The following PLXDC1 variants were observed in gnomAD, a reference collection of about 807,000 sequenced individuals.
PLXDC1 encodes plexin domain containing 1.
PLXDC1 carries 39 observed loss-of-function variants against 61.3 expected under a neutral mutation model. The ratio of observed to expected loss-of-function variants is 0.64; its 90% CI spans 0.49 to 0.83. The LOEUF is 0.83. Among genes scored for constraint, PLXDC1 ranks in the 40% least tolerant of loss-of-function variants. The probability of loss-of-function intolerance (pLI) is 0.00; values close to 1 mark genes in which losing one functional copy is unlikely to be tolerated. For missense variants in PLXDC1, 596 were observed against 666.5 expected (o/e 0.89, Z 1.17); for synonymous variants, 212 against 254.5 (o/e 0.83, Z 1.59).
At chr17:39,136,214 G>C (rs1345626325) in intron 2 of PLXDC1, among the ~76,000 whole-genome samples, 1 of 152,150 alleles carries the variant, frequency 6.6e-6, no homozygotes, top group Non-Finnish European at 1.5e-5. Flanking sequence ...ATTGGGAAGG[G>C]AGTGATGCCA....
In PLXDC1 at chr17:39,079,294, C is replaced by G. The variant is rs1231314471; in HGVS notation, c.990-130G>C. 1.2e-5 allele frequency: 9 copies of G among 736,176 alleles called. No homozygotes were observed. In the Admixed American group the frequency reaches 1.8e-4, roughly 15 times the overall value. The allele number at this position is 736,176 out of a possible 1,614,324, so 45.6% of individuals were successfully genotyped here. ...AGGTCCCCAGGCTGAGGTAGTCAGGCACTCCCATTCCCTCTACTTCCCCGG... is the reference window on the plus strand; with the variant it reads ...AGGTCCCCAGGCTGAGGTAGTCAGGGACTCCCATTCCCTCTACTTCCCCGG... On this transcript the variant is annotated intron_variant, in intron 9 of 13. Coordinates refer to ENST00000315392, the MANE Select transcript of PLXDC1 (RefSeq NM_020405.5).
At chr17:39,077,620 C>T (rs1389024464) in intron 11 of PLXDC1, among the ~76,000 whole-genome samples, 1 of 152,220 alleles carries the variant, frequency 6.6e-6, no homozygotes, top group Non-Finnish European at 1.5e-5. Flanking sequence ...ATACCTGGCA[C>T]TGGCCTGGGC....
At position 39,067,979 on chromosome 17, in the gene PLXDC1, A is replaced by C; in HGVS notation, c.1384-20T>G. ...TCTACGCTGCAGAAGGCACAGAGGC[A>C]AAGTCAGTGGGCATGCCCCCGCCCC... is the stretch of plus-strand genomic sequence containing the variant. On this transcript the variant is annotated intron_variant, in intron 13 of 13. Coordinates refer to ENST00000315392, the MANE Select transcript of PLXDC1 (RefSeq NM_020405.5). 6.2e-7 allele frequency: 1 copy of C among 1,612,368 alleles called. No individual in the cohort carries two copies. Among genetic ancestry groups the C allele is most frequent in the Non-Finnish European group, 8.5e-7 (1 of 1,179,224 alleles).
chr17:39,145,994 C>T (rs754681656), intron 1 of PLXDC1, among the ~76,000 whole-genome samples: 9 of 151,462 alleles, frequency 5.9e-5, no homozygotes, highest in Non-Finnish European at 1.3e-4. Context: ...TCAGGGTTAA[C>T]AAGAATTACA....
At chr17:39,094,790 A>C (rs1348032298) in intron 7 of PLXDC1, among the ~76,000 whole-genome samples, 3 of 152,142 alleles carry the variant, frequency 2.0e-5, no homozygotes, top group Admixed American at 2.0e-4. Flanking sequence ...CTCCCTCCCC[A>C]GCCCACCACA....
Position 39,077,940 on chromosome 17 carries a change from G to A in PLXDC1, c.1159C>T (p.Leu387Phe). The A allele has an allele frequency of 6.2e-7, 1 of 1,614,138 alleles. No individual in the cohort carries two copies. The highest frequency in any genetic ancestry group is 1.1e-5 in the South Asian group (1 of 91,082). Reference protein sequence around the residue: ...DGDLTTTSSSLFIDSLTTEDD... With the variant: ...DGDLTTTSSSFFIDSLTTEDD... ...TCTGTGGTGAGGCTGTCGATGAAGA[G>A]GGAGGAGGAGGTAGTGGTGAGGTCT... Residue 387 changes from leucine to phenylalanine, a missense_variant, in exon 11 of 14, where the codon CTC becomes TTC. Coordinates refer to ENST00000315392, the MANE Select transcript of PLXDC1 (RefSeq NM_020405.5).
chr17:39,119,894 T>TG (rs1382811912), intron 2 of PLXDC1, among the ~76,000 whole-genome samples: 3 of 152,098 alleles, frequency 2.0e-5, no homozygotes, highest in African/African-American at 7.2e-5. Flanking sequence ...ACCAACTGAA[T>TG]GGACCCCCTC....
At chr17:39,106,094 C>T in intron 6 of PLXDC1, 141 bp from the exon 7 acceptor site, 1 of 568,968 alleles carries the variant, frequency 1.8e-6, no homozygotes, top group Non-Finnish European at 3.1e-6. Context: ...CAGTGGGACC[C>T]CACCCAAATT....
rs1339570951 is a variant in PLXDC1, at chr17:39,103,387, T to G, written c.811+2467A>C. ...CCTGTCCATCTCTCCAAAAAAAAAT[T>G]TAAAAATTAGTTGGGCATGGTGGCA... On this transcript the variant is annotated intron_variant, in intron 7 of 13. Transcript: ENST00000315392. Among the ~76,000 whole-genome samples the G allele has an allele frequency of 8.6e-5, 13 of 151,184 alleles. No homozygotes were observed. The East Asian group carries it at 2.6e-3, about 30-fold the overall frequency.
At chr17:39,143,858 G>A (rs1444461802) in intron 1 of PLXDC1, among the ~76,000 whole-genome samples, 1 of 152,238 alleles carries the variant, frequency 6.6e-6, no homozygotes, top group Non-Finnish European at 1.5e-5. Flanking sequence ...CCTGCCCACT[G>A]CCCAGGCCCA....
At chr17:39,090,887 GTCTC>G (rs66505513) in intron 7 of PLXDC1, among the ~76,000 whole-genome samples, 5,951 of 148,938 alleles carry the variant, frequency 0.04, 167 homozygotes, top group Middle Eastern at 0.062. Context: ...TTCTCCCTCT[GTCTC>G]TCTCTCTCTA....
Position 39,107,515 on chromosome 17 carries a change from A to G in PLXDC1, c.603T>C (p.Phe201=), listed in dbSNP as rs1273608808. 6 of 1,611,432 alleles carry G rather than the reference A, an allele frequency of 3.7e-6. No homozygotes were observed. The African/African-American group carries it at 8.0e-5, about 22-fold the overall frequency. The change falls in exon 6 of 14, where the codon TTT becomes TTC. Residue 201 remains phenylalanine, a synonymous_variant. Transcript: ENST00000315392. Reference sequence around the variant, plus strand: ...GATAAACGTGGTCCCACTGAACCACAAAGACTGTCCCTGGGGAGAAGAACA... The same window carrying G: ...GATAAACGTGGTCCCACTGAACCACGAAGACTGTCCCTGGGGAGAAGAACA... ...TVVYFDNGTV[F]VVQWDHVYLQ...
At chr17:39,127,377 AG>A (rs1378691928) in intron 2 of PLXDC1, among the ~76,000 whole-genome samples, 1 of 152,164 alleles carries the variant, frequency 6.6e-6, no homozygotes, top group Non-Finnish European at 1.5e-5. Flanking sequence ...TTGATCCCCT[AG>A]ACCAGAGCCG....
intron 2 of PLXDC1, among the ~76,000 whole-genome samples, chr17:39,117,650 G>A (rs1911021716): frequency 6.6e-6 from 1 of 152,212 alleles, no homozygotes; most frequent in African/African-American, 2.4e-5. Context: ...GCTGGGGCAG[G>A]AGGATTGCCT....
Position 39,067,064 on chromosome 17 carries a change from G to A in PLXDC1, c.*776C>T, listed in dbSNP as rs762594808. ...ACTGCTACAGAGCAGACCATTGACAGCCTGTAACTGAGTCCAAATTCATTC... is the reference window on the plus strand; with the variant it reads ...ACTGCTACAGAGCAGACCATTGACAACCTGTAACTGAGTCCAAATTCATTC... On this transcript the variant is annotated 3_prime_UTR_variant, in exon 14 of 14. Transcript: ENST00000315392. 1 of 152,356 alleles carries A rather than the reference G, an allele frequency of 6.6e-6. No individual in the cohort carries two copies. The highest frequency in any genetic ancestry group is 6.5e-5 in the Admixed American group (1 of 15,304). 9.4% of individuals were successfully genotyped at this position (152,356 alleles called of 1,614,324 possible).
At chr17:39,091,958 CAAAAAA>C (rs71141756) in intron 7 of PLXDC1, among the ~76,000 whole-genome samples, 21,271 of 105,448 alleles carry the variant, frequency 0.2, 1,930 homozygotes, top group Admixed American at 0.34. Flanking sequence ...GACTCTATCT[CAAAAAA>C]AAAAAAAAAA....
At chr17:39,107,589 A>C (rs770659800) in intron 5 of PLXDC1, 64 bp from the exon 6 acceptor site, 3 of 1,224,800 alleles carry the variant, frequency 2.4e-6, no homozygotes, top group South Asian at 1.2e-5. Flanking sequence ...CCCTACAGAA[A>C]TGCCAGTCGG....
intron 2 of PLXDC1, chr17:39,131,812 C>T (rs498973): frequency 0.055 from 8,469 of 152,918 alleles, 311 homozygotes; most frequent in East Asian, 0.14. Flanking sequence ...CTGCTTGCCC[C>T]CTGTGGTTTG....
chr17:39,142,329 A>G (rs1454462329), intron 1 of PLXDC1, among the ~76,000 whole-genome samples: 3 of 152,220 alleles, frequency 2.0e-5, no homozygotes, highest in Non-Finnish European at 4.4e-5. Flanking sequence ...AGGCACTCCA[A>G]CTGAGAATGC....
Sources: gnomAD v4.1 joint callset for allele counts (sites outside exome capture counted in the v4.1 genomes callset) on GRCh38, gnomAD v4.1.1 for gene constraint, MANE v1.5 for transcripts, NCBI Gene and HGNC (gene_info 2026-07-23, HGNC 2026-07-21) for gene names.